Variants in CFAP418 observed in about 807,000 individuals in gnomAD.
CFAP418 encodes the protein cilia and flagella associated protein 418.
A neutral mutation model predicts 24.7 loss-of-function variants in CFAP418; 27 were observed. The ratio of observed to expected loss-of-function variants is 1.09; its 90% CI spans 0.81 to 1.51. The LOEUF (loss-of-function observed/expected upper bound fraction) is 1.51. Among genes scored for constraint, CFAP418 ranks in the 40% most tolerant of loss-of-function variants. CFAP418 has a pLI of 0.00. For missense variants in CFAP418, 257 were observed against 255.2 expected (o/e 1.01, Z -0.05); for synonymous variants, 74 against 87.3 (o/e 0.85, Z 0.85).
At chr8:95,264,114 C>G (rs1333853966) in intron 1 of CFAP418, among the ~76,000 whole-genome samples, 1 of 152,092 alleles carries the variant, frequency 6.6e-6, no homozygotes, top group Non-Finnish European at 1.5e-5. Flanking sequence ...TAAGCAGAAC[C>G]TGATATTATA....
chr8:95,268,201 G>GT (rs984913932), intron 1 of CFAP418, among the ~76,000 whole-genome samples: 1 of 152,166 alleles, frequency 6.6e-6, no homozygotes, highest in Admixed American at 6.5e-5. Flanking sequence ...AATCCTAGCA[G>GT]TTAGGGGAGG....
intron 1 of CFAP418, chr8:95,268,770 C>CGGGGA (rs1812064499): frequency 4.2e-5 from 4 of 95,644 alleles, no homozygotes; most frequent in African/African-American, 4.5e-4. Context: ...CGGGGCGGGG[C>CGGGGA]GGGGCGGGGC....
intron 4 of CFAP418, 37 bp from the exon 5 acceptor site, chr8:95,252,320 T>C (rs1811722066): frequency 7.3e-7 from 1 of 1,365,544 alleles, no homozygotes; most frequent in Admixed American, 1.8e-5. Context: ...TAAAGATTAT[T>C]GGTATCTTTA....
At chr8:95,262,328 T>G (rs1275097124) in intron 2 of CFAP418, among the ~76,000 whole-genome samples, 2 of 152,204 alleles carry the variant, frequency 1.3e-5, no homozygotes, top group Non-Finnish European at 2.9e-5. Flanking sequence ...ATTGAAAAAG[T>G]TTAATTTTCT....
chr8:95,265,859 G>T (rs1319396311), intron 1 of CFAP418, among the ~76,000 whole-genome samples: 1 of 152,010 alleles, frequency 6.6e-6, no homozygotes, highest in Non-Finnish European at 1.5e-5. Context: ...GACTCTTTTT[G>T]GTCTTTTGAT....
intron 1 of CFAP418, among the ~76,000 whole-genome samples, chr8:95,264,842 T>C (rs917924056): frequency 6.6e-6 from 1 of 152,212 alleles, no homozygotes; most frequent in South Asian, 2.1e-4. Context: ...GCTTAGCCTC[T>C]TCAGTTGTAC....
intron 2 of CFAP418, 35 bp from the exon 3 acceptor site, chr8:95,260,567 T>G: frequency 8.5e-6 from 11 of 1,295,980 alleles, no homozygotes; most frequent in Non-Finnish European, 1.2e-5. Context: ...AGGCCATGAG[T>G]AACTTAGAAA....
At chr8:95,259,449 T>A (rs1246458549) in intron 4 of CFAP418, among the ~76,000 whole-genome samples, 1 of 152,186 alleles carries the variant, frequency 6.6e-6, no homozygotes, top group Non-Finnish European at 1.5e-5. Context: ...CGCTTGAGAA[T>A]GTTTTGGGCA....
intron 4 of CFAP418, 69 bp from the exon 5 acceptor site, chr8:95,252,352 AT>A (rs1217124951): frequency 1.0e-6 from 1 of 979,794 alleles, no homozygotes; most frequent in Non-Finnish European, 1.6e-6. Context: ...AAACATGGTG[AT>A]TTATTTATAG....
At chr8:95,248,686 T>G (rs1811664161) in intron 5 of CFAP418, among the ~76,000 whole-genome samples, 1 of 152,178 alleles carries the variant, frequency 6.6e-6, no homozygotes, top group Non-Finnish European at 1.5e-5. Flanking sequence ...ACATCAATTA[T>G]GATTTCATGA....
At chr8:95,251,388 G>C (rs1811705270) in intron 5 of CFAP418, among the ~76,000 whole-genome samples, 1 of 152,224 alleles carries the variant, frequency 6.6e-6, no homozygotes, top group Non-Finnish European at 1.5e-5. Flanking sequence ...AAGTCAGAGG[G>C]AATGGGAGCC....
chr8:95,267,850 G>A (rs1198259799), intron 1 of CFAP418, among the ~76,000 whole-genome samples: 2 of 151,726 alleles, frequency 1.3e-5, no homozygotes, highest in East Asian at 3.9e-4. Flanking sequence ...AGTTACTGAA[G>A]GTCAATATTC....
intron 2 of CFAP418, 86 bp from the exon 3 acceptor site, chr8:95,260,618 T>C (rs1016442378): frequency 1.4e-5 from 10 of 716,930 alleles, no homozygotes; most frequent in Non-Finnish European, 2.0e-5. Flanking sequence ...ACAAGAATAT[T>C]TTCTAAATGA....
intron 1 of CFAP418, among the ~76,000 whole-genome samples, chr8:95,267,724 C>CA (rs1812018862): frequency 6.6e-6 from 1 of 152,102 alleles, no homozygotes; most frequent in Non-Finnish European, 1.5e-5. Flanking sequence ...AAAGATGCAG[C>CA]AAAAAAATTA....
chr8:95,261,285 A>C (rs759031883), intron 2 of CFAP418, among the ~76,000 whole-genome samples: 2 of 152,238 alleles, frequency 1.3e-5, no homozygotes, highest in African/African-American at 2.4e-5. Flanking sequence ...TTGTTTTACT[A>C]TGTCTCTCAA....
chr8:95,250,711 T>TA (rs1180142616), intron 5 of CFAP418, among the ~76,000 whole-genome samples: 24 of 152,218 alleles, frequency 1.6e-4, no homozygotes, highest in African/African-American at 5.8e-4. Context: ...TATGGGTTCC[T>TA]AACCTCAGAT....
chr8:95,261,554 G>T (rs1163642568), intron 2 of CFAP418, among the ~76,000 whole-genome samples: 8 of 152,068 alleles, frequency 5.3e-5, no homozygotes. Flanking sequence ...GCATAATATA[G>T]CCTCTAATGA....
At chr8:95,262,111 T>C (rs915415871) in intron 2 of CFAP418, among the ~76,000 whole-genome samples, 1 of 152,190 alleles carries the variant, frequency 6.6e-6, no homozygotes, top group Non-Finnish European at 1.5e-5. Context: ...ATTTGTGGCA[T>C]GCGAAACCCC....
At chr8:95,252,027 T>C (rs1025787844) in intron 5 of CFAP418, among the ~76,000 whole-genome samples, 161 bp downstream of exon 5, 1 of 152,190 alleles carries the variant, frequency 6.6e-6, no homozygotes, top group African/African-American at 2.4e-5. Context: ...TATATATATA[T>C]GCAGTCCATC....
Sources: gnomAD v4.1 joint callset for allele counts (sites outside exome capture counted in the v4.1 genomes callset) on GRCh38, gnomAD v4.1.1 for gene constraint, MANE v1.5 for transcripts, NCBI Gene and HGNC (gene_info 2026-07-23, HGNC 2026-07-21) for gene names.